SMC5: variants seen among roughly 807,000 people sequenced by gnomAD.
SMC5 encodes structural maintenance of chromosomes 5, also known as structural maintenance of chromosomes protein 5.
Under a neutral mutation model 148.3 loss-of-function variants are expected in SMC5, and 88 were observed. The observed-to-expected ratio is 0.59, with a 90% CI of 0.50 to 0.71. The LOEUF is 0.71. Ranked by LOEUF, SMC5 falls within the 30% of genes least tolerant of loss-of-function variation. The pLI is 0.00. For missense variants in SMC5, 1,142 were observed against 1,298.9 expected (o/e 0.88, Z 1.86); for synonymous variants, 421 against 432.8 (o/e 0.97, Z 0.34).
intron 1 of SMC5, 65 bp downstream of exon 1, chr9:70,259,328 G>C (rs981035829): frequency 1.4e-6 from 2 of 1,470,616 alleles, no homozygotes; most frequent in East Asian, 2.5e-5. Flanking sequence ...CCGGGGCTCC[G>C]GCAGCGCGCG....
Position 70,353,814 on chromosome 9 carries a change from G to T in SMC5, c.*1483G>T, listed in dbSNP as rs2036852426. 6.6e-6 allele frequency: 1 copy of T among 152,140 alleles called. No individual in the cohort carries two copies. 9.4% of individuals were successfully genotyped at this position (152,140 alleles called of 1,614,324 possible). On this transcript the variant is annotated 3_prime_UTR_variant, in exon 25 of 25. Coordinates refer to ENST00000361138, the MANE Select transcript of SMC5 (RefSeq NM_015110.4). ...AATATGAGCAAGTCATGTAAACATT[G>T]AAGAACTTGGTAACATATTAGTAAA...
intron 11 of SMC5, among the ~76,000 whole-genome samples, chr9:70,308,341 C>A (rs1265040157): frequency 6.6e-6 from 1 of 151,856 alleles, no homozygotes; most frequent in African/African-American, 2.4e-5. Flanking sequence ...CGCGGTGGCT[C>A]ACGCTCGTAA....
chr9:70,270,943 G>A (rs552553114), intron 3 of SMC5, among the ~76,000 whole-genome samples: 5 of 152,138 alleles, frequency 3.3e-5, no homozygotes, highest in Admixed American at 1.3e-4. Context: ...CACCATACCC[G>A]GCCTACATAT....
chr9:70,288,367 T>C (rs1320318173), intron 8 of SMC5, among the ~76,000 whole-genome samples: 2 of 152,142 alleles, frequency 1.3e-5, no homozygotes, highest in Non-Finnish European at 2.9e-5. Flanking sequence ...ATCACTGATA[T>C]TTGTGTATCC....
chr9:70,328,947 G>A (rs1038925716), intron 17 of SMC5, among the ~76,000 whole-genome samples: 12 of 152,214 alleles, frequency 7.9e-5, no homozygotes, highest in African/African-American at 2.9e-4. Flanking sequence ...AAACTGCCAA[G>A]GCTTGGGACT....
chr9:70,276,769 T>C (rs1030169293), intron 3 of SMC5, among the ~76,000 whole-genome samples: 2 of 152,192 alleles, frequency 1.3e-5, no homozygotes, highest in Non-Finnish European at 2.9e-5. Context: ...TTGCTAAATG[T>C]TCCTTTATAT....
chr9:70,310,244 T>C (rs1362324141), intron 11 of SMC5, among the ~76,000 whole-genome samples: 3 of 152,228 alleles, frequency 2.0e-5, no homozygotes, highest in Non-Finnish European at 2.9e-5. Context: ...TGAAATGTGT[T>C]TCTTGATAAG....
At chr9:70,338,279 G>A (rs905103464) in intron 17 of SMC5, among the ~76,000 whole-genome samples, 1 of 152,136 alleles carries the variant, frequency 6.6e-6, no homozygotes, top group African/African-American at 2.4e-5. Flanking sequence ...CCAAAGTACT[G>A]GGATTACAGG....
At chr9:70,321,931 C>G (rs1444718207) in intron 15 of SMC5, among the ~76,000 whole-genome samples, 2 of 152,090 alleles carry the variant, frequency 1.3e-5, no homozygotes, top group Admixed American at 6.6e-5. Context: ...GACTTCTCGT[C>G]TATAGACTAA....
At chr9:70,280,188 C>A (rs758443320) in intron 5 of SMC5, among the ~76,000 whole-genome samples, 2 of 152,182 alleles carry the variant, frequency 1.3e-5, no homozygotes, top group African/African-American at 4.8e-5. Flanking sequence ...TTGAAACACT[C>A]ACCTACACTC....
intron 15 of SMC5, among the ~76,000 whole-genome samples, chr9:70,322,957 C>T (rs2118642659): frequency 6.6e-6 from 1 of 152,316 alleles, no homozygotes; most frequent in Middle Eastern, 3.4e-3. Context: ...CCCATTCCAA[C>T]TTATCTCCCT....
At chr9:70,329,212 C>A (rs933935995) in intron 17 of SMC5, among the ~76,000 whole-genome samples, 2 of 152,256 alleles carry the variant, frequency 1.3e-5, no homozygotes, top group African/African-American at 4.8e-5. Context: ...CAAGTTTCTG[C>A]AGCCTTGAAT....
chr9:70,300,408 G>T (rs1336399892), intron 10 of SMC5, among the ~76,000 whole-genome samples: 2 of 152,016 alleles, frequency 1.3e-5, no homozygotes, highest in African/African-American at 2.4e-5. Context: ...CTTTTTTCTA[G>T]AAAGAGGTAT....
intron 8 of SMC5, among the ~76,000 whole-genome samples, chr9:70,295,397 G>A (rs1002729583): frequency 1.7e-4 from 26 of 151,372 alleles, no homozygotes; most frequent in Non-Finnish European, 3.1e-4. Flanking sequence ...CTTGAACCCA[G>A]GAGGCGGAGC....
At chr9:70,291,282 T>C (rs2035054265) in intron 8 of SMC5, among the ~76,000 whole-genome samples, 1 of 152,172 alleles carries the variant, frequency 6.6e-6, no homozygotes, top group South Asian at 2.1e-4. Context: ...GTGTATATAT[T>C]GGGTCATGCC....
chr9:70,340,242 C>T (rs1247786947), intron 17 of SMC5, among the ~76,000 whole-genome samples: 1 of 151,674 alleles, frequency 6.6e-6, no homozygotes, highest in Non-Finnish European at 1.5e-5. Flanking sequence ...CTCTCTTCTG[C>T]CTACCTGCTT....
At chr9:70,284,595 A>C (rs1008965741) in intron 7 of SMC5, among the ~76,000 whole-genome samples, 2 of 152,218 alleles carry the variant, frequency 1.3e-5, no homozygotes, top group African/African-American at 4.8e-5. Flanking sequence ...AAACATATTT[A>C]ACCCTTTGTT....
At chr9:70,337,147 T>G (rs1414339134) in intron 17 of SMC5, among the ~76,000 whole-genome samples, 3 of 152,178 alleles carry the variant, frequency 2.0e-5, no homozygotes, top group Non-Finnish European at 4.4e-5. Flanking sequence ...AGATGAGATT[T>G]GGGTGGGGAC....
chr9:70,286,135 C>T, intron 7 of SMC5, 65 bp from the exon 8 acceptor site: 1 of 931,090 alleles, frequency 1.1e-6, no homozygotes, highest in Non-Finnish European at 1.8e-6. Context: ...TGGGCAGGGC[C>T]ATATAATTTG....
Sources: gnomAD v4.1 joint callset for allele counts (sites outside exome capture counted in the v4.1 genomes callset) on GRCh38, gnomAD v4.1.1 for gene constraint, MANE v1.5 for transcripts, NCBI Gene and HGNC (gene_info 2026-07-23, HGNC 2026-07-21) for gene names.